The following LUZP2 variants were observed in gnomAD, a reference collection of about 807,000 sequenced individuals.
LUZP2 encodes leucine zipper protein 2.
LUZP2 carries 52 observed loss-of-function variants against 51.6 expected under a neutral mutation model. The observed-to-expected ratio is 1.01, with a 90% CI of 0.81 to 1.27. The LOEUF is 1.27. Among genes scored for constraint, LUZP2 ranks in the 50% most tolerant of loss-of-function variants. The pLI, the probability that LUZP2 is intolerant of heterozygous loss-of-function variation, is 0.00. For synonymous variants in LUZP2, 154 were observed against 137.3 expected (o/e 1.12, Z -0.85); for missense variants, 436 against 395.4 (o/e 1.10, Z -0.87).
chr11:24,985,713 G>A (rs545082363), intron 9 of LUZP2, among the ~76,000 whole-genome samples: 130 of 151,786 alleles, frequency 8.6e-4, no homozygotes, highest in Admixed American at 9.2e-4. Flanking sequence ...GGTTTTAAAA[G>A]GGAAGCCAAA....
chr11:24,694,164 C>CTTCTTAAG (rs1180651914), intron 1 of LUZP2, among the ~76,000 whole-genome samples: 18 of 152,144 alleles, frequency 1.2e-4, no homozygotes, highest in African/African-American at 3.9e-4. Flanking sequence ...GCTTCTTAAA[C>CTTCTTAAG]CTTCTGACAT....
At chr11:24,736,371 G>C (rs1382061764) in intron 3 of LUZP2, among the ~76,000 whole-genome samples, 2 of 151,634 alleles carry the variant, frequency 1.3e-5, no homozygotes, top group African/African-American at 4.8e-5. Flanking sequence ...TTATTATTTT[G>C]TCATTTTAAT....
At chr11:25,018,631 A>T (rs1857237074) in intron 9 of LUZP2, among the ~76,000 whole-genome samples, 2 of 128,900 alleles carry the variant, frequency 1.6e-5, no homozygotes, top group African/African-American at 6.1e-5. Flanking sequence ...TTTTTTAAAG[A>T]CACTCTCACT....
chr11:24,991,069 A>G (rs1856319218), intron 9 of LUZP2, among the ~76,000 whole-genome samples: 1 of 151,946 alleles, frequency 6.6e-6, no homozygotes, highest in Non-Finnish European at 1.5e-5. Context: ...GCACCCATCA[A>G]CAGAGCAGTA....
chr11:24,980,782 C>G (rs1196900305), intron 8 of LUZP2, among the ~76,000 whole-genome samples: 1 of 151,438 alleles, frequency 6.6e-6, no homozygotes, highest in Non-Finnish European at 1.5e-5. Context: ...TTTTAAGTGG[C>G]AGTTTCTATA....
chr11:24,767,854 C>G (rs531745193), intron 5 of LUZP2, among the ~76,000 whole-genome samples: 49 of 152,296 alleles, frequency 3.2e-4, no homozygotes, highest in African/African-American at 1.2e-3. Context: ...TTCAACCTCC[C>G]TTCTCTAACT....
chr11:24,528,074 G>A (rs561071444), intron 1 of LUZP2, among the ~76,000 whole-genome samples: 1 of 151,276 alleles, frequency 6.6e-6, no homozygotes, highest in Admixed American at 6.6e-5. Context: ...ATTCATAGTC[G>A]ATGTAGACAT....
At chr11:24,624,219 A>G (rs1000734821) in intron 1 of LUZP2, among the ~76,000 whole-genome samples, 6 of 152,212 alleles carry the variant, frequency 3.9e-5, no homozygotes, top group Non-Finnish European at 7.3e-5. Context: ...TAACATGATC[A>G]GTAATCATTC....
At chr11:24,730,056 G>A (rs577883401) in intron 2 of LUZP2, among the ~76,000 whole-genome samples, 2 of 151,668 alleles carry the variant, frequency 1.3e-5, no homozygotes, top group South Asian at 2.1e-4. Context: ...ATGTGGAGTC[G>A]CTTCTGTCCA....
intron 9 of LUZP2, among the ~76,000 whole-genome samples, chr11:25,034,634 C>A (rs190771353): frequency 6.6e-6 from 1 of 152,124 alleles, no homozygotes; most frequent in South Asian, 2.1e-4. Flanking sequence ...CAATCTTCTA[C>A]GTGTGGTTAG....
chr11:24,832,905 G>A (rs1301722580), intron 5 of LUZP2, among the ~76,000 whole-genome samples: 2 of 147,180 alleles, frequency 1.4e-5, no homozygotes, highest in Non-Finnish European at 3.0e-5. Context: ...CCTGTATAAT[G>A]AGTATGATTT....
chr11:24,499,790 A>G (rs1849935720), intron 1 of LUZP2, among the ~76,000 whole-genome samples: 1 of 151,964 alleles, frequency 6.6e-6, no homozygotes, highest in Non-Finnish European at 1.5e-5. Context: ...TATTTGTTTC[A>G]TTATATCTTT....
At chr11:24,896,254 A>G (rs112470599) in intron 5 of LUZP2, among the ~76,000 whole-genome samples, 6 of 152,072 alleles carry the variant, frequency 3.9e-5, no homozygotes, top group Non-Finnish European at 7.4e-5. Context: ...CCGAGGCCGG[A>G]GCCAGCTCCC....
Position 24,628,570 on chromosome 11 carries a change from A to AT in LUZP2, c.63-100591dup, listed in dbSNP as rs556236548. 9.3e-5 allele frequency among the ~76,000 whole-genome samples: 14 copies of AT among 151,348 alleles called. No individual in the cohort carries two copies. In the East Asian group the frequency reaches 1.7e-3, roughly 19 times the overall value. On this transcript the variant is annotated intron_variant, in intron 1 of 11. Coordinates refer to ENST00000336930, the MANE Select transcript of LUZP2 (RefSeq NM_001009909.4). ...GGTCCTTTATTTTATTTATCTTTTT[A>AT]TTTTTTTTGAGATGGAGTCTCGCTC...
At chr11:24,762,355 T>C (rs1305875546) in intron 4 of LUZP2, among the ~76,000 whole-genome samples, 1 of 152,132 alleles carries the variant, frequency 6.6e-6, no homozygotes, top group Non-Finnish European at 1.5e-5. Context: ...AAAACACACA[T>C]TGGAATCTAA....
intron 1 of LUZP2, among the ~76,000 whole-genome samples, chr11:24,500,709 A>T (rs1420200453): frequency 6.6e-6 from 1 of 152,154 alleles, no homozygotes; most frequent in Admixed American, 6.5e-5. Context: ...GAGACATGGC[A>T]GGGGAGGAGT....
In LUZP2 at chr11:25,030,900, TATATA is replaced by T. The variant is rs1414829533; in HGVS notation, c.766-19132_766-19128del. 5.7e-3 allele frequency among the ~76,000 whole-genome samples: 268 copies of T among 47,132 alleles called. 19 individuals carry two copies. The highest frequency in any genetic ancestry group is 0.034 in the African/African-American group (252 of 7,388). 30.9% of individuals were successfully genotyped at this position (47,132 alleles called of 152,430 possible). A position where few individuals can be genotyped will look rare whatever the true frequency, so the allele number is the denominator to read the frequency against. ...TGTGTTACTATATATATTATATATATATATAATATATATTGTATTATATATATATA... is the reference window on the plus strand; with the variant it reads ...TGTGTTACTATATATATTATATATATATATATATTGTATTATATATATATA... On this transcript the variant is annotated intron_variant, in intron 9 of 11. Transcript: ENST00000336930.
intron 1 of LUZP2, among the ~76,000 whole-genome samples, chr11:24,566,793 T>C (rs1008479804): frequency 1.4e-5 from 2 of 146,282 alleles, no homozygotes; most frequent in African/African-American, 5.0e-5. Context: ...ATATATAATG[T>C]ATATATACAT....
At chr11:24,800,212 G>A (rs1279544589) in intron 5 of LUZP2, among the ~76,000 whole-genome samples, 1 of 151,998 alleles carries the variant, frequency 6.6e-6, no homozygotes, top group Non-Finnish European at 1.5e-5. Context: ...AATATCTGAA[G>A]GTGATAACGG....
Sources: gnomAD v4.1 joint callset for allele counts (sites outside exome capture counted in the v4.1 genomes callset) on GRCh38, gnomAD v4.1.1 for gene constraint, MANE v1.5 for transcripts, NCBI Gene and HGNC (gene_info 2026-07-23, HGNC 2026-07-21) for gene names.